The following CNKSR2 variants were observed in gnomAD, a reference collection of about 807,000 sequenced individuals.
The protein encoded by CNKSR2 is CNK homolog protein 2.
In CNKSR2, 14 loss-of-function variants were observed where a neutral mutation model predicts 84.4. The ratio of observed to expected loss-of-function variants is 0.17; its 90% CI spans 0.11 to 0.26. CNKSR2 has a LOEUF of 0.26. Ranked by LOEUF, CNKSR2 falls within the 10% of genes least tolerant of loss-of-function variation. The probability of loss-of-function intolerance (pLI) is 1.00; values close to 1 mark genes in which losing one functional copy is unlikely to be tolerated. For missense variants in CNKSR2, 485 were observed against 771.2 expected (o/e 0.63, Z 4.40); for synonymous variants, 275 against 277.9 (o/e 0.99, Z 0.10).
intron 11 of CNKSR2, among the ~76,000 whole-genome samples, chrX:21,540,251 C>T (rs1362519541): frequency 2.7e-5 from 3 of 111,320 alleles, no homozygotes; most frequent in Non-Finnish European, 5.7e-5. Flanking sequence ...TGATGAATAG[C>T]GATTTCATCC....
Position 21,490,445 on chromosome X carries a change from T to G in CNKSR2, c.562-14T>G, listed in dbSNP as rs1421174508. ...ACGTATTTACCACAACTATTTTTGT[T>G]TTTGTGCTTCCAGTGTAAAACTCTT... On this transcript the variant is annotated splice_polypyrimidine_tract_variant and intron_variant, in intron 5 of 21. Transcript: ENST00000379510. 2 of 1,194,863 alleles carry G rather than the reference T, an allele frequency of 1.7e-6. No individual in the cohort carries two copies.
chrX:21,584,465 C>A (rs146506791), intron 13 of CNKSR2, among the ~76,000 whole-genome samples: 3 of 111,800 alleles, frequency 2.7e-5, no homozygotes, highest in Non-Finnish European at 3.8e-5. Flanking sequence ...TGGAGGAAGT[C>A]CAGGTGATAA....
At chrX:21,524,751 G>T (rs1490458394) in intron 9 of CNKSR2, among the ~76,000 whole-genome samples, 1 of 110,629 alleles carries the variant, frequency 9.0e-6, no homozygotes, top group Non-Finnish European at 1.9e-5. Flanking sequence ...GTAAAGAAGA[G>T]AAGTCCTCAA....
intron 11 of CNKSR2, among the ~76,000 whole-genome samples, chrX:21,533,659 A>G (rs73203340): frequency 0.076 from 8,506 of 111,315 alleles, 363 homozygotes; most frequent in Middle Eastern, 0.12. Context: ...AATACTTTTT[A>G]AATATTAGAA....
chrX:21,466,882 G>A (rs867905424), intron 4 of CNKSR2, among the ~76,000 whole-genome samples: 3 of 111,689 alleles, frequency 2.7e-5, no homozygotes, highest in Non-Finnish European at 5.6e-5. Flanking sequence ...ACTGTGCCTG[G>A]CTTCTATTTT....
rs1000523158 is a variant in CNKSR2, at chrX:21,418,400, T to G, written c.65-8097T>G. Among the ~76,000 whole-genome samples, 4 of 112,033 alleles carry G rather than the reference T, an allele frequency of 3.6e-5. No individual in the cohort carries two copies. The Admixed American group carries it at 3.8e-4, about 11-fold the overall frequency. On this transcript the variant is annotated intron_variant, in intron 1 of 21. Coordinates refer to ENST00000379510, the MANE Select transcript of CNKSR2 (RefSeq NM_014927.5). ...CTATTGCCAGTAAGTTTTTTACCTT[T>G]AGATGACTAGTTATTGCTCATAAAT...
In CNKSR2 at chrX:21,448,669, C is replaced by T. The variant is rs1390413444; in HGVS notation, c.519+7888C>T. On this transcript the variant is annotated intron_variant, in intron 4 of 21. Coordinates refer to ENST00000379510, the MANE Select transcript of CNKSR2 (RefSeq NM_014927.5). The stretch of plus-strand genomic sequence containing the variant: ...CTTGTACTTTCATTATCTTCCTCCT[C>T]TCTGAATTACCATTTTTGTCATATG... 3.6e-5 allele frequency among the ~76,000 whole-genome samples: 4 copies of T among 111,633 alleles called. No individual in the cohort carries two copies. In the South Asian group the frequency reaches 1.1e-3, roughly 31 times the overall value.
At chrX:21,434,358 G>A (rs1296507554) in intron 3 of CNKSR2, among the ~76,000 whole-genome samples, 1 of 111,177 alleles carries the variant, frequency 9.0e-6, no homozygotes, top group African/African-American at 3.3e-5. Flanking sequence ...AGATTTTATC[G>A]TATCAATTTT....
rs755442213 is a variant in CNKSR2, at chrX:21,562,215, G to T, written c.1393+655G>T. Among the ~76,000 whole-genome samples the T allele has an allele frequency of 3.6e-5, 4 of 110,855 alleles. No homozygotes were observed. The South Asian group carries it at 1.6e-3, about 43-fold the overall frequency. On this transcript the variant is annotated intron_variant, in intron 12 of 21. Transcript: ENST00000379510. ...TACTAAATAGGATTTGATCAAGTGT[G>T]GGTATGGTGGGCCCAGTGGGTCATG... is the stretch of plus-strand genomic sequence containing the variant.
Position 21,457,144 on chromosome X carries a change from A to C in CNKSR2, c.520-13622A>C, listed in dbSNP as rs186869195. Among the ~76,000 whole-genome samples, 4 of 111,341 alleles carry C rather than the reference A, an allele frequency of 3.6e-5. No homozygotes were observed. In the East Asian group the frequency reaches 1.1e-3, roughly 31 times the overall value. ...ACCCCTTATTGGATACATGGTTTGCAAATATTTTCTCCCATTCTGTAGGTT... is the reference window on the plus strand; with the variant it reads ...ACCCCTTATTGGATACATGGTTTGCCAATATTTTCTCCCATTCTGTAGGTT... On this transcript the variant is annotated intron_variant, in intron 4 of 21. Transcript: ENST00000379510.
At chrX:21,553,462 A>G (rs1048304689) in intron 11 of CNKSR2, among the ~76,000 whole-genome samples, 1 of 106,897 alleles carries the variant, frequency 9.4e-6, no homozygotes, top group African/African-American at 3.5e-5. Context: ...TTGTCTTCTA[A>G]TTGTCTTATT....
Position 21,462,768 on chromosome X carries a change from C to T in CNKSR2, c.520-7998C>T, listed in dbSNP as rs1043406060. On this transcript the variant is annotated intron_variant, in intron 4 of 21. Coordinates refer to ENST00000379510, the MANE Select transcript of CNKSR2 (RefSeq NM_014927.5). ...TCACTCTGTCGCCCAGGTTGGAGTA[C>T]GGTGACGTGATCTCAGCTCACTGCA... Among the ~76,000 whole-genome samples, 4 of 101,088 alleles carry T rather than the reference C, an allele frequency of 4.0e-5. No individual in the cohort carries two copies. The Admixed American group carries it at 4.3e-4, about 11-fold the overall frequency. The allele number at this position is 101,088 out of a possible 115,157, so 87.8% of individuals were successfully genotyped here.
At chrX:21,504,690 A>G (rs965848493) in intron 8 of CNKSR2, 23 of 288,933 alleles carry the variant, frequency 8.0e-5, no homozygotes, top group Non-Finnish European at 1.0e-4. Context: ...TTAGATGCCT[A>G]TGTTTCTAGT....
At position 21,470,861 on chromosome X, in the gene CNKSR2, A is replaced by C. The variant is rs2091189118; in HGVS notation, c.561+54A>C. ...TTATTAGAGGATATTTCCTTGTTCAACTAGAAGAGGTGAACCATAAGAAAA... is the reference window on the plus strand; with the variant it reads ...TTATTAGAGGATATTTCCTTGTTCACCTAGAAGAGGTGAACCATAAGAAAA... On this transcript the variant is annotated intron_variant, in intron 5 of 21. Transcript: ENST00000379510. 4 of 679,728 alleles carry C rather than the reference A, an allele frequency of 5.9e-6. No individual in the cohort carries two copies. In the Admixed American group the frequency reaches 1.3e-4, roughly 22 times the overall value. 56.0% of individuals were successfully genotyped at this position (679,728 alleles called of 1,213,427 possible).
chrX:21,633,631 G>A (rs181441946), intron 20 of CNKSR2, among the ~76,000 whole-genome samples: 236 of 112,028 alleles, frequency 2.1e-3, no homozygotes, highest in African/African-American at 6.9e-3. Context: ...AATTACGCTG[G>A]AGAGTGTGAA....
chrX:21,618,331 T>G (rs1049531303), intron 20 of CNKSR2, among the ~76,000 whole-genome samples: 4 of 111,570 alleles, frequency 3.6e-5, no homozygotes, highest in African/African-American at 1.3e-4. Context: ...CATAATCTAT[T>G]ACACTCTAAA....
At chrX:21,549,242 A>C (rs1181582507) in intron 11 of CNKSR2, among the ~76,000 whole-genome samples, 1 of 112,467 alleles carries the variant, frequency 8.9e-6, no homozygotes, top group Non-Finnish European at 1.9e-5. Flanking sequence ...TACAAAATCA[A>C]TGTGCAAAAA....
At chrX:21,567,223 T>A (rs187528609) in intron 13 of CNKSR2, among the ~76,000 whole-genome samples, 1 of 112,109 alleles carries the variant, frequency 8.9e-6, no homozygotes, top group East Asian at 2.8e-4. Context: ...GGATTTTTAA[T>A]TATATATTTA....
At chrX:21,513,928 T>C (rs1280966066) in intron 8 of CNKSR2, among the ~76,000 whole-genome samples, 2 of 111,734 alleles carry the variant, frequency 1.8e-5, no homozygotes, top group Non-Finnish European at 1.9e-5. Flanking sequence ...ATTTTGTTGG[T>C]TTATTTGTTT....
Sources: gnomAD v4.1 joint callset for allele counts (sites outside exome capture counted in the v4.1 genomes callset) on GRCh38, gnomAD v4.1.1 for gene constraint, MANE v1.5 for transcripts, NCBI Gene and HGNC (gene_info 2026-07-23, HGNC 2026-07-21) for gene names.